The following AFG2A variants were observed in gnomAD, a reference collection of about 807,000 sequenced individuals.
AFG2A encodes the protein ATPase family gene 2 protein homolog A.
the AFG2A span, among the ~76,000 whole-genome samples, chr4:123,131,322 G>A: frequency 6.6e-6 from 1 of 151,664 alleles, no homozygotes; most frequent in South Asian, 2.1e-4. Context: ...TTTTTTTATT[G>A]CGGTAAAAAA....
the AFG2A span, among the ~76,000 whole-genome samples, chr4:123,083,388 A>T: frequency 7.4e-6 from 1 of 135,030 alleles, no homozygotes; most frequent in South Asian, 2.7e-4. Flanking sequence ...TATTTTCTTC[A>T]TCTATTTATA....
chr4:123,291,327 A>G, the AFG2A span, among the ~76,000 whole-genome samples: 4 of 152,176 alleles, frequency 2.6e-5, no homozygotes, highest in Non-Finnish European at 1.5e-5. Flanking sequence ...ATTCAACATT[A>G]ATATTGATAT....
the AFG2A span, among the ~76,000 whole-genome samples, chr4:123,075,708 A>G: frequency 6.6e-6 from 1 of 151,016 alleles, no homozygotes. Context: ...CTGTAATCCT[A>G]GCACTTAGGG....
chr4:123,232,450 A>G, the AFG2A span, among the ~76,000 whole-genome samples: 536 of 152,138 alleles, frequency 3.5e-3, 3 homozygotes, highest in South Asian at 8.7e-3. Context: ...GCTGAAAATT[A>G]GGGCAAGATA....
chr4:123,311,625 C>CAAAAAAAAAAAAAA, the AFG2A span, among the ~76,000 whole-genome samples: 1 of 92,234 alleles, frequency 1.1e-5, no homozygotes, highest in Non-Finnish European at 2.1e-5. Flanking sequence ...GACTCTGTCT[C>CAAAAAAAAAAAAAA]AAAAAAAAAA....
At chr4:123,106,491 G>T in the AFG2A span, among the ~76,000 whole-genome samples, 1 of 151,656 alleles carries the variant, frequency 6.6e-6, no homozygotes, top group African/African-American at 2.4e-5. Context: ...AATATGTGGG[G>T]TATACCCAAA....
At chr4:123,149,797 G>A in the AFG2A span, among the ~76,000 whole-genome samples, 2 of 95,678 alleles carry the variant, frequency 2.1e-5, no homozygotes, top group African/African-American at 6.3e-5. Flanking sequence ...TTAGGAAATA[G>A]CTTTTTTTTT....
the AFG2A span, among the ~76,000 whole-genome samples, chr4:123,082,838 T>C: frequency 3.3e-5 from 5 of 152,112 alleles, no homozygotes; most frequent in Non-Finnish European, 7.4e-5. Context: ...TTTCTTCAGT[T>C]TTCTTTCATT....
the AFG2A span, among the ~76,000 whole-genome samples, chr4:123,169,945 G>T: frequency 6.6e-6 from 1 of 152,162 alleles, no homozygotes; most frequent in Non-Finnish European, 1.5e-5. Flanking sequence ...GATTACTCTG[G>T]ACTGGAATGA....
At chr4:123,312,094 A>C in the AFG2A span, among the ~76,000 whole-genome samples, 1 of 152,214 alleles carries the variant, frequency 6.6e-6, no homozygotes, top group Non-Finnish European at 1.5e-5. Context: ...ATGTGTTTCC[A>C]TCAGACTTTA....
the AFG2A span, among the ~76,000 whole-genome samples, chr4:123,149,021 G>A: frequency 6.6e-6 from 1 of 152,068 alleles, no homozygotes; most frequent in African/African-American, 2.4e-5. Context: ...CGCCTGCCTC[G>A]GCCTCCCAAA....
chr4:123,149,026 C>G, the AFG2A span, among the ~76,000 whole-genome samples: 1 of 152,176 alleles, frequency 6.6e-6, no homozygotes, highest in Non-Finnish European at 1.5e-5. Flanking sequence ...GCCTCGGCCT[C>G]CCAAAGTGCT....
the AFG2A span, among the ~76,000 whole-genome samples, chr4:123,286,640 A>G: frequency 6.6e-6 from 1 of 152,096 alleles, no homozygotes; most frequent in African/African-American, 2.4e-5. Flanking sequence ...TGGAAAACAG[A>G]TTTTCTGCTT....
the AFG2A span, among the ~76,000 whole-genome samples, chr4:123,068,292 A>G: frequency 2.0e-5 from 3 of 152,160 alleles, no homozygotes; most frequent in Non-Finnish European, 4.4e-5. Flanking sequence ...AAACATTTTC[A>G]CTATGCTTTT....
the AFG2A span, among the ~76,000 whole-genome samples, chr4:123,069,557 A>G: frequency 8.5e-5 from 13 of 152,316 alleles, no homozygotes; most frequent in African/African-American, 2.9e-4. Flanking sequence ...GAAACCAAAG[A>G]AATACGGATT....
At chr4:123,122,927 A>G in the AFG2A span, among the ~76,000 whole-genome samples, 1 of 152,072 alleles carries the variant, frequency 6.6e-6, no homozygotes, top group Non-Finnish European at 1.5e-5. Context: ...CCATTATTTT[A>G]TCAATTTTCC....
At chr4:123,057,402 C>T in the AFG2A span, 1 of 1,160,210 alleles carries the variant, frequency 8.6e-7, no homozygotes, top group Non-Finnish European at 1.2e-6. Flanking sequence ...ATACATTTGG[C>T]CTAAAAAAGT....
chr4:122,952,699 A>G, the AFG2A span, among the ~76,000 whole-genome samples: 1 of 152,162 alleles, frequency 6.6e-6, no homozygotes. Context: ...GTAATGGAAA[A>G]TGTGTACCCC....
At chr4:123,243,295 C>T in the AFG2A span, among the ~76,000 whole-genome samples, 1 of 152,162 alleles carries the variant, frequency 6.6e-6, no homozygotes, top group Non-Finnish European at 1.5e-5. Flanking sequence ...GACACATGCA[C>T]ACGTATGTTT....
Sources: gnomAD v4.1 joint callset for allele counts (sites outside exome capture counted in the v4.1 genomes callset) on GRCh38, gnomAD v4.1.1 for gene constraint, MANE v1.5 for transcripts, NCBI Gene and HGNC (gene_info 2026-07-23, HGNC 2026-07-21) for gene names.